SENP2: variants seen among roughly 807,000 people sequenced by gnomAD.
SENP2 encodes SUMO specific peptidase 2, also known as sentrin-specific protease 2.
SENP2 carries 16 observed loss-of-function variants against 86.3 expected under a neutral mutation model. That is an observed-to-expected ratio of 0.19 (90% CI 0.13 to 0.28). The LOEUF is 0.28. Among genes scored for constraint, SENP2 ranks in the 10% least tolerant of loss-of-function variants. The pLI, the probability that SENP2 is intolerant of heterozygous loss-of-function variation, is 1.00. For missense variants in SENP2, 552 were observed against 703.0 expected (o/e 0.79, Z 2.43); for synonymous variants, 222 against 238.7 (o/e 0.93, Z 0.64).
intron 2 of SENP2, among the ~76,000 whole-genome samples, chr3:185,594,902 T>A (rs1354806189): frequency 6.6e-6 from 1 of 151,910 alleles, no homozygotes; most frequent in Non-Finnish European, 1.5e-5. Context: ...TTTTTGTATT[T>A]TAGTAGAGAC....
chr3:185,596,787 G>A (rs920792716), intron 2 of SENP2, among the ~76,000 whole-genome samples: 7 of 152,232 alleles, frequency 4.6e-5, no homozygotes, highest in Admixed American at 2.6e-4. Context: ...TGCCGTACTC[G>A]GTGGCTATAT....
chr3:185,599,038 A>C lies in SENP2; in HGVS notation c.358+14A>C. On this transcript the variant is annotated intron_variant, in intron 4 of 16. Transcript: ENST00000296257. The stretch of plus-strand genomic sequence containing the variant: ...TGCTGAAACTGGGTGAGGTGGTCAA[A>C]AATATTTCTGTTTCCCGCTACCTCC... The C allele has an allele frequency of 4.4e-6, 7 of 1,604,322 alleles. No individual in the cohort carries two copies. Among genetic ancestry groups the C allele is most frequent in the Non-Finnish European group, 6.0e-6 (7 of 1,174,290 alleles).
At chr3:185,609,162 T>G (rs1038985214) in intron 6 of SENP2, 85 bp from the exon 7 acceptor site, 1 of 857,464 alleles carries the variant, frequency 1.2e-6, no homozygotes, top group Non-Finnish European at 1.9e-6. Context: ...TGCTGGCAAA[T>G]AAAACACACC....
At position 185,620,181 on chromosome 3, in the gene SENP2, G is replaced by A. The variant is rs576226890; in HGVS notation, c.1446+679G>A. ...GGGCACAAGTGATCCTTTCACTTTA[G>A]CCTCCCAGGTAGCTGGGACTACAGA... On this transcript the variant is annotated intron_variant, in intron 13 of 16. Transcript: ENST00000296257. Among the ~76,000 whole-genome samples, 38 of 151,776 alleles carry A rather than the reference G, an allele frequency of 2.5e-4. No homozygotes were observed. In the East Asian group the frequency reaches 3.3e-3, roughly 13 times the overall value.
At chr3:185,605,701 A>G (rs1722490856) in intron 5 of SENP2, among the ~76,000 whole-genome samples, 1 of 148,726 alleles carries the variant, frequency 6.7e-6, no homozygotes, top group Admixed American at 6.8e-5. Flanking sequence ...AGTGATATTC[A>G]TTTCAAAAGC....
chr3:185,587,516 T>C (rs1032590473), intron 1 of SENP2, among the ~76,000 whole-genome samples: 19 of 151,554 alleles, frequency 1.3e-4, no homozygotes, highest in Non-Finnish European at 5.9e-5. Context: ...ATCTGGAAAA[T>C]AAAATACTAT....
At chr3:185,589,653 T>C (rs1392888864) in intron 1 of SENP2, among the ~76,000 whole-genome samples, 1 of 152,128 alleles carries the variant, frequency 6.6e-6, no homozygotes, top group Admixed American at 6.6e-5. Flanking sequence ...ATTCTCTCTT[T>C]TGTTTTGCTT....
chr3:185,598,594 C>T, intron 3 of SENP2, 49 bp downstream of exon 3: 1 of 1,543,110 alleles, frequency 6.5e-7, no homozygotes, highest in Non-Finnish European at 8.8e-7. Context: ...TATACTTAAT[C>T]ATTATATTTT....
chr3:185,607,540 G>A (rs571894295), intron 6 of SENP2, among the ~76,000 whole-genome samples: 20 of 151,582 alleles, frequency 1.3e-4, no homozygotes, highest in Non-Finnish European at 2.1e-4. Context: ...ACGTTGGCCA[G>A]TCTGGTCTCA....
intron 2 of SENP2, 29 bp downstream of exon 2, chr3:185,590,198 A>G (rs1721930853): frequency 7.7e-7 from 1 of 1,300,546 alleles, no homozygotes; most frequent in African/African-American, 1.5e-5. Flanking sequence ...AAAAATTTTT[A>G]GTTTTTAAAT....
At chr3:185,600,686 C>T in intron 4 of SENP2, 79 bp from the exon 5 acceptor site, 1 of 908,290 alleles carries the variant, frequency 1.1e-6, no homozygotes, top group Non-Finnish European at 1.8e-6. Context: ...AGGTTGCTCA[C>T]AGATTTTTTT....
At chr3:185,618,794 G>A (rs1181921652) in intron 12 of SENP2, among the ~76,000 whole-genome samples, 1 of 152,070 alleles carries the variant, frequency 6.6e-6, no homozygotes. Context: ...CAGGAGAATG[G>A]TGTGAACCCG....
intron 8 of SENP2, 88 bp from the exon 9 acceptor site, chr3:185,612,516 TTGA>T (rs62877061): frequency 0.37 from 328,219 of 889,082 alleles, 62,280 homozygotes; most frequent in South Asian, 0.54. Flanking sequence ...GAGGAATGTC[TTGA>T]TGTTGTGGAA....
Position 185,586,609 on chromosome 3 carries a change from C to A in SENP2, c.101+95C>A. 8.4e-7 allele frequency: 1 copy of A among 1,194,144 alleles called. No individual in the cohort carries two copies. Among genetic ancestry groups the A allele is most frequent in the Non-Finnish European group, 1.2e-6 (1 of 825,094 alleles). 74.0% of individuals were successfully genotyped at this position (1,194,144 alleles called of 1,614,324 possible). A position where few individuals can be genotyped will look rare whatever the true frequency, so the allele number is the denominator to read the frequency against. ...ATAGCTTTGATTCAGCCAGGCTCAC[C>A]CGAAACAGGTCGCCGGGATCCTAGT... On this transcript the variant is annotated intron_variant, in intron 1 of 16. Transcript: ENST00000296257. The surrounding 1 kb of genome is among the most constrained non-coding windows in gnomAD (Gnocchi z 4.3).
chr3:185,599,260 A>AG (rs1273194066), intron 4 of SENP2, among the ~76,000 whole-genome samples: 5 of 152,224 alleles, frequency 3.3e-5, no homozygotes, highest in Admixed American at 3.3e-4. Context: ...CATATTAAAA[A>AG]GGTTCATTCA....
intron 16 of SENP2, among the ~76,000 whole-genome samples, chr3:185,627,217 A>T (rs138282304): frequency 5.6e-4 from 86 of 152,234 alleles, no homozygotes; most frequent in Non-Finnish European, 1.1e-3. Flanking sequence ...CTTTGGTGAC[A>T]CAATGGGCAC....
chr3:185,606,596 C>G (rs575390333), intron 6 of SENP2, 98 bp downstream of exon 6: 2 of 1,066,404 alleles, frequency 1.9e-6, no homozygotes, highest in East Asian at 2.6e-5. Flanking sequence ...TTTGACATAC[C>G]ATTGTAGGTT....
intron 2 of SENP2, among the ~76,000 whole-genome samples, chr3:185,596,171 T>G (rs896020965): frequency 6.6e-6 from 1 of 151,918 alleles, no homozygotes; most frequent in Non-Finnish European, 1.5e-5. Context: ...GCCATGATGG[T>G]CAGGCTGGTC....
chr3:185,610,724 G>A (rs554402800), intron 7 of SENP2, among the ~76,000 whole-genome samples: 10 of 151,778 alleles, frequency 6.6e-5, no homozygotes, highest in Non-Finnish European at 1.3e-4. Flanking sequence ...TTGGGAGGCC[G>A]AGGTGGACGG....
Sources: allele counts gnomAD v4.1 joint callset (sites outside exome capture counted in the v4.1 genomes callset), GRCh38; gene constraint gnomAD v4.1.1; non-coding constraint Gnocchi (gnomAD v3.1); transcripts MANE v1.5; gene names NCBI Gene and HGNC (gene_info 2026-07-23, HGNC 2026-07-21).